The following TMEM233 variants were observed in gnomAD, a reference collection of about 807,000 sequenced individuals.
The protein encoded by TMEM233 is dispanin subfamily B member 2.
TMEM233 carries 6 observed loss-of-function variants against 11.2 expected under a neutral mutation model. That is an observed-to-expected ratio of 0.54 (90% CI 0.29 to 1.06). The LOEUF (loss-of-function observed/expected upper bound fraction) is 1.06, where lower values mean the gene tolerates loss of function less well. Among genes scored for constraint, TMEM233 ranks in the 50% least tolerant of loss-of-function variants. The pLI is 0.08. For missense variants in TMEM233, 127 were observed against 144.7 expected (o/e 0.88, Z 0.63); for synonymous variants, 59 against 55.8 (o/e 1.06, Z -0.26).
chr12:119,638,289 A>G (rs1045862057), intron 2 of TMEM233, among the ~76,000 whole-genome samples: 1 of 151,904 alleles, frequency 6.6e-6, no homozygotes, highest in African/African-American at 2.4e-5. Flanking sequence ...GCAAGATCTC[A>G]TCTCTACTAA....
At chr12:119,621,370 C>G (rs2136741466) in intron 1 of TMEM233, among the ~76,000 whole-genome samples, 1 of 151,926 alleles carries the variant, frequency 6.6e-6, no homozygotes, top group East Asian at 1.9e-4. Flanking sequence ...TTTGTAGAGA[C>G]AAGGGTCTTG....
At chr12:119,648,944 G>A in the TMEM233 span, among the ~76,000 whole-genome samples, 1 of 152,094 alleles carries the variant, frequency 6.6e-6, no homozygotes, top group African/African-American at 2.4e-5. Flanking sequence ...ATTCCTTATC[G>A]TGATGGTTTA....
At chr12:119,616,934 C>A (rs1954549593) in intron 1 of TMEM233, among the ~76,000 whole-genome samples, 1 of 152,182 alleles carries the variant, frequency 6.6e-6, no homozygotes. Flanking sequence ...TTATAAGTTT[C>A]CTGAGGCCTC....
At position 119,614,275 on chromosome 12, in the gene TMEM233, C is replaced by T. The variant is rs561559002; in HGVS notation, c.187-15461C>T. On this transcript the variant is annotated intron_variant, in intron 1 of 2. Coordinates refer to ENST00000426426, the MANE Select transcript of TMEM233 (RefSeq NM_001136534.3). Reference sequence around the variant, plus strand: ...TACAAAAATTTGCTGGGTATGGTGGCGTGCATCTGTAATCCCAGCTACTTG... The same window carrying T: ...TACAAAAATTTGCTGGGTATGGTGGTGTGCATCTGTAATCCCAGCTACTTG... Among the ~76,000 whole-genome samples the T allele has an allele frequency of 3.4e-3, 522 of 151,992 alleles. 4 individuals carry two copies. The highest frequency in any genetic ancestry group is 5.5e-3 in the Non-Finnish European group (375 of 67,976).
chr12:119,627,820 A>G (rs1954794644), intron 1 of TMEM233, among the ~76,000 whole-genome samples: 2 of 152,232 alleles, frequency 1.3e-5, no homozygotes, highest in African/African-American at 2.4e-5. Context: ...GCTCCTCTCC[A>G]TAAGACATGC....
chr12:119,641,006 T>C lies in TMEM233; in HGVS notation c.*301T>C, dbSNP rs1955075447. ...GTTTAGCGAATCCCGTTGTGTCCAC[T>C]CCTGTCCTCCAGAGGCGAGCCTCAG... On this transcript the variant is annotated 3_prime_UTR_variant, in exon 3 of 3. Coordinates refer to ENST00000426426, the MANE Select transcript of TMEM233 (RefSeq NM_001136534.3). 2 of 367,416 alleles carry C rather than the reference T, an allele frequency of 5.4e-6. No homozygotes were observed. The highest frequency in any genetic ancestry group is 5.4e-5 in the South Asian group (1 of 18,632). The allele number at this position is 367,416 out of a possible 1,614,324, so 22.8% of individuals were successfully genotyped here. A position where few individuals can be genotyped will look rare whatever the true frequency, so the allele number is the denominator to read the frequency against.
At chr12:119,636,354 T>G (rs897673729) in intron 2 of TMEM233, among the ~76,000 whole-genome samples, 1 of 152,218 alleles carries the variant, frequency 6.6e-6, no homozygotes, top group African/African-American at 2.4e-5. Context: ...AAGAACCAGA[T>G]GCAGGGATCA....
At chr12:119,620,658 G>A (rs540684559) in intron 1 of TMEM233, among the ~76,000 whole-genome samples, 1 of 152,192 alleles carries the variant, frequency 6.6e-6, no homozygotes, top group East Asian at 1.9e-4. Context: ...AGTTACAAAG[G>A]AAAGATTGCA....
chr12:119,626,898 C>T (rs1360253680), intron 1 of TMEM233, among the ~76,000 whole-genome samples: 3 of 152,360 alleles, frequency 2.0e-5, no homozygotes, highest in Admixed American at 2.0e-4. Context: ...CCAGACACCA[C>T]TCTAAGTACT....
At chr12:119,600,780 T>A (rs984726447) in intron 1 of TMEM233, among the ~76,000 whole-genome samples, 3 of 152,236 alleles carry the variant, frequency 2.0e-5, no homozygotes, top group South Asian at 2.1e-4. Context: ...TGCCAGAGAC[T>A]ATGGGGAGAG....
chr12:119,645,491 G>A (rs907614934), downstream of TMEM233, among the ~76,000 whole-genome samples: 5 of 152,148 alleles, frequency 3.3e-5, no homozygotes, highest in African/African-American at 9.7e-5. Context: ...CACAAAGAGA[G>A]GCAGGCATAA....
At chr12:119,638,038 C>T (rs1032902746) in intron 2 of TMEM233, among the ~76,000 whole-genome samples, 4 of 152,152 alleles carry the variant, frequency 2.6e-5, no homozygotes, top group African/African-American at 9.7e-5. Context: ...AATATAAAAT[C>T]CAGGCACCCA....
intron 2 of TMEM233, among the ~76,000 whole-genome samples, chr12:119,636,742 C>G (rs1843272271): frequency 6.6e-6 from 1 of 152,222 alleles, no homozygotes; most frequent in Non-Finnish European, 1.5e-5. Flanking sequence ...GACAAATGTC[C>G]TCTGTGACAA....
At chr12:119,628,810 C>T (rs1016445104) in intron 1 of TMEM233, among the ~76,000 whole-genome samples, 2 of 152,108 alleles carry the variant, frequency 1.3e-5, no homozygotes, top group African/African-American at 4.8e-5. Context: ...CACCAGCTCA[C>T]TCTTAAATTC....
Position 119,610,592 on chromosome 12 carries a change from A to ACAG in TMEM233, c.186+16558_186+16559insCAG, listed in dbSNP as rs1167282084. On this transcript the variant is annotated intron_variant, in intron 1 of 2. Coordinates refer to ENST00000426426, the MANE Select transcript of TMEM233 (RefSeq NM_001136534.3). ...TGGTTTCCCCCATGCTGTTCTCATG[A>ACAG]TAGTGAGTTCTCACGACATTATGAT... is the stretch of plus-strand genomic sequence containing the variant. Among the ~76,000 whole-genome samples the ACAG allele has an allele frequency of 9.2e-5, 14 of 151,564 alleles. 1 individual carries two copies. Among genetic ancestry groups the ACAG allele is most frequent in the African/African-American group, 2.7e-4 (11 of 40,890 alleles).
chr12:119,605,995 C>T (rs1954272333), intron 1 of TMEM233, among the ~76,000 whole-genome samples: 1 of 152,110 alleles, frequency 6.6e-6, no homozygotes, highest in South Asian at 2.1e-4. Flanking sequence ...AGGAAATGCA[C>T]CTTGTAGTCT....
At chr12:119,629,144 T>C (rs890132440) in intron 1 of TMEM233, among the ~76,000 whole-genome samples, 25 of 151,936 alleles carry the variant, frequency 1.6e-4, no homozygotes, top group Non-Finnish European at 2.4e-4. Context: ...GCGTGGTGGC[T>C]CATGCCTGTA....
At chr12:119,629,626 CAA>C in intron 1 of TMEM233, 108 bp from the exon 2 acceptor site, 1 of 1,176,402 alleles carries the variant, frequency 8.5e-7, no homozygotes, top group Non-Finnish European at 1.2e-6. Flanking sequence ...GTGAGATGAG[CAA>C]AGTCACCAGA....
At chr12:119,647,348 G>T (rs1395443084), downstream of TMEM233, among the ~76,000 whole-genome samples, 1 of 152,224 alleles carries the variant, frequency 6.6e-6, no homozygotes, top group Non-Finnish European at 1.5e-5. Flanking sequence ...GTTAAGACAA[G>T]CATTTGCCCT....
Sources: gnomAD v4.1 joint callset for allele counts (sites outside exome capture counted in the v4.1 genomes callset) on GRCh38, gnomAD v4.1.1 for gene constraint, MANE v1.5 for transcripts, NCBI Gene and HGNC (gene_info 2026-07-23, HGNC 2026-07-21) for gene names.